Variants in CAMK2D observed in about 807,000 individuals in gnomAD.
The protein encoded by CAMK2D is calcium/calmodulin-dependent protein kinase type II subunit delta.
In CAMK2D, 37 loss-of-function variants were observed where a neutral mutation model predicts 84.0. The ratio of observed to expected loss-of-function variants is 0.44; its 90% confidence interval spans 0.34 to 0.58. The LOEUF (loss-of-function observed/expected upper bound fraction) is 0.58. CAMK2D is among the 20% of genes least tolerant of loss of function. The pLI is 0.02. For synonymous variants in CAMK2D, 202 were observed against 212.5 expected (o/e 0.95, Z 0.43); for missense variants, 448 against 652.5 (o/e 0.69, Z 3.41).
Position 113,761,566 on chromosome 4 carries a change from C to A in CAMK2D, c.-498G>T, listed in dbSNP as rs1467164910. On this transcript the variant is annotated 5_prime_UTR_variant, in exon 1 of 21. Coordinates refer to ENST00000511664, the MANE Select transcript of CAMK2D (RefSeq NM_001321571.2). ...CCCAGAGCGGACAGCCTGAGCCCAG[C>A]GGCCGCTGTCAGCAGGCTCAGGCGC... The A allele has an allele frequency of 3.0e-6, 3 of 985,240 alleles. No homozygotes were observed. The highest frequency in any genetic ancestry group is 2.4e-6 in the Non-Finnish European group (2 of 829,914). The allele number at this position is 985,240 out of a possible 1,614,324, so 61.0% of individuals were successfully genotyped here.
chr4:113,457,602 A>G (rs2097318952), intron 18 of CAMK2D, 39 bp from the exon 19 acceptor site: 6 of 1,562,740 alleles, frequency 3.8e-6, no homozygotes, highest in Non-Finnish European at 5.3e-6. Context: ...TTTAGTTTCT[A>G]TGTAAAGGAA....
intron 4 of CAMK2D, among the ~76,000 whole-genome samples, chr4:113,572,754 C>T (rs1387937790): frequency 6.6e-6 from 1 of 152,066 alleles, no homozygotes; most frequent in African/African-American, 2.4e-5. Flanking sequence ...AGCAGAACTA[C>T]CATTCGACCC....
At chr4:113,722,690 A>G (rs1169943954) in intron 2 of CAMK2D, among the ~76,000 whole-genome samples, 1 of 152,150 alleles carries the variant, frequency 6.6e-6, no homozygotes, top group Non-Finnish European at 1.5e-5. Flanking sequence ...TGTCCTGGGC[A>G]AAACAAGATG....
intron 3 of CAMK2D, among the ~76,000 whole-genome samples, chr4:113,656,104 C>A (rs564014909): frequency 6.6e-6 from 1 of 152,132 alleles, no homozygotes; most frequent in African/African-American, 2.4e-5. Flanking sequence ...GAAAAATAAG[C>A]CAATTTTATT....
intron 4 of CAMK2D, among the ~76,000 whole-genome samples, chr4:113,604,603 T>C (rs1353956457): frequency 6.6e-6 from 1 of 152,252 alleles, no homozygotes; most frequent in African/African-American, 2.4e-5. Context: ...TGTTGCAGCA[T>C]ATTTCAAATT....
intron 4 of CAMK2D, among the ~76,000 whole-genome samples, chr4:113,558,587 TTTG>T (rs1314098995): frequency 1.3e-5 from 2 of 152,180 alleles, no homozygotes; most frequent in Admixed American, 1.3e-4. Context: ...ATCTGCAGAT[TTTG>T]TTATCTGAGA....
At chr4:113,610,344 G>A (rs893603587) in intron 3 of CAMK2D, among the ~76,000 whole-genome samples, 16 of 152,152 alleles carry the variant, frequency 1.1e-4, no homozygotes, top group African/African-American at 3.9e-4. Context: ...TTTTACAAAA[G>A]TCACCACAAA....
chr4:113,760,076 G>A (rs967572339), intron 1 of CAMK2D, among the ~76,000 whole-genome samples: 1 of 151,894 alleles, frequency 6.6e-6, no homozygotes, highest in African/African-American at 2.4e-5. Context: ...ACATATAAAC[G>A]CACTCCTTTC....
chr4:113,715,141 A>G (rs2099509589), intron 2 of CAMK2D, among the ~76,000 whole-genome samples: 1 of 151,992 alleles, frequency 6.6e-6, no homozygotes, highest in African/African-American at 2.4e-5. Context: ...TTTTAAAATT[A>G]CCCTTCGTAA....
chr4:113,563,680 G>C (rs2098709178), intron 4 of CAMK2D, among the ~76,000 whole-genome samples: 1 of 152,204 alleles, frequency 6.6e-6, no homozygotes, highest in Non-Finnish European at 1.5e-5. Flanking sequence ...GGCACTTCTT[G>C]GGATCAATGG....
At chr4:113,573,655 G>A (rs567709507) in intron 4 of CAMK2D, among the ~76,000 whole-genome samples, 2 of 152,264 alleles carry the variant, frequency 1.3e-5, no homozygotes, top group Non-Finnish European at 2.9e-5. Context: ...CAAATAAAGA[G>A]GCTTTATAAA....
chr4:113,458,998 C>A (rs1186066202), intron 18 of CAMK2D, among the ~76,000 whole-genome samples: 1 of 152,196 alleles, frequency 6.6e-6, no homozygotes, highest in Non-Finnish European at 1.5e-5. Flanking sequence ...TGAAGGATTT[C>A]TGCAGGATGA....
Position 113,627,348 on chromosome 4 carries a change from T to G in CAMK2D, c.221-18142A>C, listed in dbSNP as rs192513347. 8.6e-4 allele frequency among the ~76,000 whole-genome samples: 131 copies of G among 152,276 alleles called. 2 individuals are homozygous for G. The highest frequency in any genetic ancestry group is 3.1e-3 in the African/African-American group (128 of 41,570). ...ATTCTTATTATCTGCAGTAGTTATG[T>G]TCTATAAAATCATCATGAACATTGA... On this transcript the variant is annotated intron_variant, in intron 3 of 20. Coordinates refer to ENST00000511664, the MANE Select transcript of CAMK2D (RefSeq NM_001321571.2).
At chr4:113,520,033 T>G (rs534404273) in intron 8 of CAMK2D, among the ~76,000 whole-genome samples, 1 of 152,336 alleles carries the variant, frequency 6.6e-6, no homozygotes, top group African/African-American at 2.4e-5. Flanking sequence ...AGATGTCCAT[T>G]TGGTCCTATC....
intron 4 of CAMK2D, among the ~76,000 whole-genome samples, chr4:113,597,291 T>A (rs1384992545): frequency 1.3e-5 from 2 of 152,264 alleles, no homozygotes; most frequent in African/African-American, 4.8e-5. Context: ...GATTGTTCCA[T>A]CTACATTGAA....
intron 2 of CAMK2D, among the ~76,000 whole-genome samples, chr4:113,668,040 T>C (rs554110442): frequency 8.5e-5 from 13 of 152,276 alleles, no homozygotes; most frequent in Admixed American, 7.2e-4. Context: ...ATGTAGATTA[T>C]GAATTATGAT....
intron 3 of CAMK2D, among the ~76,000 whole-genome samples, chr4:113,646,767 C>G (rs145957680): frequency 6.6e-6 from 1 of 152,152 alleles, no homozygotes; most frequent in Non-Finnish European, 1.5e-5. Flanking sequence ...CATGCCATCC[C>G]CTCGTTCTCT....
chr4:113,601,174 A>G (rs1458054704), intron 4 of CAMK2D, among the ~76,000 whole-genome samples: 2 of 152,200 alleles, frequency 1.3e-5, no homozygotes, highest in Admixed American at 6.5e-5. Flanking sequence ...TTTCACGAAC[A>G]TAAAGGAAAC....
chr4:113,507,822 T>C (rs1482155132), intron 13 of CAMK2D, among the ~76,000 whole-genome samples: 1 of 152,178 alleles, frequency 6.6e-6, no homozygotes, highest in Non-Finnish European at 1.5e-5. Context: ...CATTGTAAGA[T>C]CACTTTCACA....
Sources: gnomAD v4.1 joint callset for allele counts (sites outside exome capture counted in the v4.1 genomes callset) on GRCh38, gnomAD v4.1.1 for gene constraint, MANE v1.5 for transcripts, NCBI Gene and HGNC (gene_info 2026-07-23, HGNC 2026-07-21) for gene names.